Variants in FBN2 observed in about 807,000 individuals in gnomAD.
FBN2 encodes the protein fibrillin 2, also known as fibrillin-2.
In FBN2, 105 loss-of-function variants were observed where a neutral mutation model predicts 355.6. The observed-to-expected ratio is 0.30, with a 90% confidence interval of 0.25 to 0.35. FBN2 has a LOEUF of 0.35. Ranked by LOEUF, FBN2 falls within the 10% of genes least tolerant of loss-of-function variation. FBN2 has a pLI of 1.00. For missense variants in FBN2, 3,280 were observed against 3,758.7 expected, an observed-to-expected ratio of 0.87 and a Z score of 3.33; for synonymous variants, 1,350 against 1,301.2, an observed-to-expected ratio of 1.04 and a Z score of -0.81.
intron 45 of FBN2, among the ~76,000 whole-genome samples, chr5:128,303,739 G>A (rs1261875770): frequency 6.6e-6 from 1 of 152,200 alleles, no homozygotes; most frequent in Non-Finnish European, 1.5e-5. Context: ...TATAAGGGAG[G>A]TCTTACTGAA....
intron 5 of FBN2, among the ~76,000 whole-genome samples, chr5:128,518,611 A>G (rs1269196363): frequency 6.6e-6 from 1 of 152,202 alleles, no homozygotes; most frequent in Non-Finnish European, 1.5e-5. Context: ...TAAACCAGGC[A>G]GCGTACAAAG....
rs759881117 is a variant in FBN2 at position 128,465,768 on chromosome 5, T to C, written c.629-847A>G. On this transcript the variant is annotated intron_variant, in intron 5 of 64. Coordinates refer to ENST00000262464, the MANE Select transcript of FBN2 (RefSeq NM_001999.4). ...GTAAATGTATGGCATGTGTGATACA[T>C]AGGCAAATTCTTCTATGAATATTAA... 1.8e-4 allele frequency among the ~76,000 whole-genome samples: 28 copies of C among 152,162 alleles called. 1 individual carries two copies. The highest frequency in any genetic ancestry group is 1.5e-4 in the Non-Finnish European group (10 of 68,020).
In FBN2 at chr5:128,537,652, C is replaced by T. The variant is rs1421913055; in HGVS notation, c.-49G>A. The T allele has an allele frequency of 6.4e-7, 1 of 1,574,074 alleles. No homozygotes were observed. Among genetic ancestry groups the T allele is most frequent in the Middle Eastern group, 1.7e-4 (1 of 6,038 alleles). ...CGTAGACCCGCGGAGAGGGAGTGAT[C>T]AAAGACAAAATCTGCGCGCCTCAGA... On this transcript the variant is annotated 5_prime_UTR_variant, in exon 1 of 65. Coordinates refer to ENST00000262464, the MANE Select transcript of FBN2 (RefSeq NM_001999.4).
intron 5 of FBN2, among the ~76,000 whole-genome samples, chr5:128,492,615 C>A (rs1478472316): frequency 6.6e-6 from 1 of 151,902 alleles, no homozygotes; most frequent in East Asian, 1.9e-4. Context: ...CCAGCCTTGC[C>A]AACATGGCTA....
At chr5:128,344,345 C>T in intron 25 of FBN2, 40 bp downstream of exon 25, 1 of 1,610,434 alleles carries the variant, frequency 6.2e-7, no homozygotes, top group Non-Finnish European at 8.5e-7. Context: ...AAAGGAAAGA[C>T]AGCCAGAGTT....
At chr5:128,339,203 G>A (rs1750931914) in intron 25 of FBN2, 142 bp from the exon 26 acceptor site, 5 of 798,132 alleles carry the variant, frequency 6.3e-6, no homozygotes. Flanking sequence ...CCAGATAGAA[G>A]GGCCTGGGAC....
At chr5:128,373,800 T>C (rs17164149) in intron 15 of FBN2, among the ~76,000 whole-genome samples, 4,542 of 152,266 alleles carry the variant, frequency 0.03, 234 homozygotes, top group African/African-American at 0.1. Context: ...GTACTTCTGA[T>C]TGATTTTCAT....
chr5:128,439,552 T>C (rs898556352), intron 7 of FBN2, among the ~76,000 whole-genome samples: 3 of 152,176 alleles, frequency 2.0e-5, no homozygotes, highest in Non-Finnish European at 2.9e-5. Context: ...TTGCCATCAA[T>C]AGTCAATTCA....
chr5:128,322,799 T>A (rs1446598010), intron 34 of FBN2, among the ~76,000 whole-genome samples: 1 of 152,222 alleles, frequency 6.6e-6, no homozygotes, highest in Non-Finnish European at 1.5e-5. Context: ...TTTTCCTAAT[T>A]CTGTGAAGAA....
intron 1 of FBN2, 50 bp downstream of exon 1, chr5:128,537,300 C>T: frequency 1.2e-6 from 2 of 1,602,916 alleles, no homozygotes; most frequent in South Asian, 1.1e-5. Context: ...CTGAGGATTC[C>T]CCCCTCCCCC....
intron 5 of FBN2, among the ~76,000 whole-genome samples, chr5:128,504,425 G>A (rs1343679659): frequency 3.3e-5 from 5 of 152,146 alleles, no homozygotes; most frequent in Non-Finnish European, 5.9e-5. Context: ...TGAAAGCAGC[G>A]TGAGAGGGGC....
intron 34 of FBN2, chr5:128,328,423 A>G (rs1379788159): frequency 3.3e-6 from 2 of 604,674 alleles, no homozygotes; most frequent in Non-Finnish European, 5.9e-6. Context: ...TAGTGATAAA[A>G]AAGAGAAAGA....
intron 23 of FBN2, among the ~76,000 whole-genome samples, chr5:128,348,643 T>G (rs1188874737): frequency 6.6e-6 from 1 of 152,158 alleles, no homozygotes; most frequent in Non-Finnish European, 1.5e-5. Flanking sequence ...AAAGTTCTTT[T>G]ATAAACTAAA....
At chr5:128,277,774 A>T in intron 58 of FBN2, 106 bp downstream of exon 58, 2 of 1,240,778 alleles carry the variant, frequency 1.6e-6, no homozygotes, top group Non-Finnish European at 1.2e-6. Context: ...TAAAATATAT[A>T]TTCCAAAGCT....
chr5:128,425,946 T>C (rs1226243973), intron 7 of FBN2, among the ~76,000 whole-genome samples: 1 of 152,178 alleles, frequency 6.6e-6, no homozygotes, highest in Non-Finnish European at 1.5e-5. Context: ...AAAAAGTAGC[T>C]GCATATACAT....
At chr5:128,385,346 T>C (rs979919588) in intron 11 of FBN2, among the ~76,000 whole-genome samples, 1 of 152,150 alleles carries the variant, frequency 6.6e-6, no homozygotes, top group Non-Finnish European at 1.5e-5. Flanking sequence ...TTTAGGACAA[T>C]GGCCTCCAGC....
At chr5:128,259,922 G>C in intron 64 of FBN2, 93 bp from the exon 65 acceptor site, 3 of 1,352,548 alleles carry the variant, frequency 2.2e-6, no homozygotes, top group Non-Finnish European at 3.1e-6. Flanking sequence ...TGGTCACGAG[G>C]ACAGGCTGTG....
chr5:128,298,793 T>C (rs1304942575), intron 48 of FBN2, among the ~76,000 whole-genome samples: 2 of 152,222 alleles, frequency 1.3e-5, no homozygotes, highest in African/African-American at 2.4e-5. Flanking sequence ...TGTCCTCCCA[T>C]AGCTCGGAGT....
chr5:128,500,430 CTTTTTTTTTTTT>C lies in FBN2; in HGVS notation c.628+18831_628+18842del, dbSNP rs149068555. Among the ~76,000 whole-genome samples, 293 of 51,188 alleles carry C rather than the reference CTTTTTTTTTTTT, an allele frequency of 5.7e-3. 7 individuals carry two copies. The highest frequency in any genetic ancestry group is 0.027 in the African/African-American group (259 of 9,580). 33.6% of individuals were successfully genotyped at this position (51,188 alleles called of 152,430 possible). On this transcript the variant is annotated intron_variant, in intron 5 of 64. Coordinates refer to ENST00000262464, the MANE Select transcript of FBN2 (RefSeq NM_001999.4). ...TGAAAATGATGAGACTCTGACAATT[CTTTTTTTTTTTT>C]TTTTTTTTTTTTTTTTTTCAGACAG...
Sources: allele counts gnomAD v4.1 joint callset (sites outside exome capture counted in the v4.1 genomes callset), GRCh38; gene constraint gnomAD v4.1.1; transcripts MANE v1.5; gene names NCBI Gene and HGNC (gene_info 2026-07-23, HGNC 2026-07-21).